Variants in SNTG1 observed in about 807,000 individuals in gnomAD.
SNTG1 encodes gamma-1-syntrophin.
SNTG1 carries 39 observed loss-of-function variants against 74.7 expected under a neutral mutation model. The ratio of observed to expected loss-of-function variants is 0.52; its 90% CI spans 0.40 to 0.68. SNTG1 has a LOEUF of 0.68. SNTG1 is among the 30% of genes least tolerant of loss of function. The pLI is 0.00. For synonymous variants in SNTG1, 254 were observed against 217.1 expected, an observed-to-expected ratio of 1.17 and a Z score of -1.49; for missense variants, 685 against 609.5, an observed-to-expected ratio of 1.12 and a Z score of -1.30.
chr8:50,081,464 A>G (rs529404554), intron 1 of SNTG1, among the ~76,000 whole-genome samples: 1 of 152,218 alleles, frequency 6.6e-6, no homozygotes, highest in South Asian at 2.1e-4. Context: ...TTTCCATAAA[A>G]TTGAGACATT....
chr8:50,531,581 C>T (rs1398187216), intron 10 of SNTG1, among the ~76,000 whole-genome samples: 1 of 152,170 alleles, frequency 6.6e-6, no homozygotes, highest in Non-Finnish European at 1.5e-5. Context: ...TGCACCTGCC[C>T]TCAGTAGCTG....
At chr8:50,629,858 G>A (rs560354700) in intron 13 of SNTG1, among the ~76,000 whole-genome samples, 4 of 152,182 alleles carry the variant, frequency 2.6e-5, no homozygotes, top group East Asian at 1.9e-4. Context: ...AAACTATAGG[G>A]ACGACCAATT....
chr8:50,430,161 T>C (rs1289937368), intron 4 of SNTG1, among the ~76,000 whole-genome samples: 1 of 152,204 alleles, frequency 6.6e-6, no homozygotes, highest in African/African-American at 2.4e-5. Flanking sequence ...AATAAATTAA[T>C]TGTGGTGAAT....
At chr8:50,556,431 G>A (rs926700154) in intron 12 of SNTG1, among the ~76,000 whole-genome samples, 1 of 151,928 alleles carries the variant, frequency 6.6e-6, no homozygotes, top group Non-Finnish European at 1.5e-5. Flanking sequence ...TATTATTTTA[G>A]GTAAAGTGGA....
intron 18 of SNTG1, among the ~76,000 whole-genome samples, chr8:50,789,166 A>T (rs1299184444): frequency 6.6e-6 from 1 of 151,446 alleles, no homozygotes; most frequent in African/African-American, 2.4e-5. Context: ...AGCCATTCTT[A>T]TGAAGTTTTT....
rs931382253 is a variant in SNTG1, at chr8:50,536,719, G to A, written c.591G>A (p.Leu197=). 3 of 1,613,878 alleles carry A rather than the reference G, an allele frequency of 1.9e-6. No individual in the cohort carries two copies. The highest frequency in any genetic ancestry group is 3.3e-5 in the Admixed American group (2 of 59,994). ...CGTCGTGGCCGACGTCTCCAGGCTT[G>A]AGGTGGGAGAAGCGATGGTGCGACC... ...SCSSWPTSPG[L]RWEKRWCDLR... Residue 197 remains leucine (L), a synonymous_variant, in exon 11 of 19, where the codon TTG becomes TTA. Transcript: ENST00000642720.
At chr8:50,436,041 C>T (rs1000718118) in intron 4 of SNTG1, among the ~76,000 whole-genome samples, 12 of 152,052 alleles carry the variant, frequency 7.9e-5, no homozygotes, top group African/African-American at 2.9e-4. Context: ...AATTACTGAC[C>T]GAGTTTTCCT....
chr8:50,269,471 C>T (rs570614204), intron 2 of SNTG1, among the ~76,000 whole-genome samples: 10 of 152,146 alleles, frequency 6.6e-5, no homozygotes, highest in African/African-American at 2.2e-4. Context: ...CGGGGAAATG[C>T]TATAAAGTGT....
intron 2 of SNTG1, among the ~76,000 whole-genome samples, chr8:50,358,727 T>G (rs2131053598): frequency 6.6e-6 from 1 of 152,316 alleles, no homozygotes; most frequent in Admixed American, 6.5e-5. Flanking sequence ...GCTGTAATTT[T>G]TTTACAGATT....
rs1198546700 is a variant in SNTG1 at position 50,607,184 on chromosome 8, G to A, written c.849+16267G>A. Among the ~76,000 whole-genome samples the A allele has an allele frequency of 2.6e-5, 4 of 151,784 alleles. No homozygotes were observed. The East Asian group carries it at 7.7e-4, about 29-fold the overall frequency. On this transcript the variant is annotated intron_variant, in intron 13 of 18. Transcript: ENST00000642720. ...AGTATTATTTAATTTTCATATATTT[G>A]GGAATGTATATGATCTGGTATCAGA...
intron 8 of SNTG1, among the ~76,000 whole-genome samples, chr8:50,480,474 T>C (rs769796837): frequency 2.0e-5 from 3 of 152,220 alleles, no homozygotes; most frequent in Non-Finnish European, 2.9e-5. Flanking sequence ...ATTTTCTGTT[T>C]AGCTGGAGAG....
At chr8:50,317,999 G>A (rs1293858506) in intron 2 of SNTG1, among the ~76,000 whole-genome samples, 1 of 152,088 alleles carries the variant, frequency 6.6e-6, no homozygotes, top group Non-Finnish European at 1.5e-5. Context: ...ACCACGCCCG[G>A]CTAATTTTTT....
At chr8:50,368,548 A>T (rs1025665866) in intron 2 of SNTG1, among the ~76,000 whole-genome samples, 1 of 152,200 alleles carries the variant, frequency 6.6e-6, no homozygotes, top group Admixed American at 6.5e-5. Flanking sequence ...CAGCTTAATC[A>T]GCCATATCAG....
chr8:50,273,469 T>G (rs534107729), intron 2 of SNTG1, among the ~76,000 whole-genome samples: 4 of 152,198 alleles, frequency 2.6e-5, no homozygotes, highest in Non-Finnish European at 4.4e-5. Context: ...CTCTTGAGCT[T>G]ATACTCAGGA....
At chr8:50,156,626 G>A (rs76403686) in intron 1 of SNTG1, among the ~76,000 whole-genome samples, 2,992 of 151,942 alleles carry the variant, frequency 0.02, 95 homozygotes, top group African/African-American at 0.065. Flanking sequence ...TTTCCTAGTT[G>A]TGCCCATGGA....
At chr8:50,551,988 G>A (rs1374146997) in intron 11 of SNTG1, among the ~76,000 whole-genome samples, 6 of 152,108 alleles carry the variant, frequency 3.9e-5, no homozygotes, top group Admixed American at 3.9e-4. Flanking sequence ...TTCTTTGTTT[G>A]GGGAATAAAC....
At chr8:50,505,582 G>C (rs1186034557) in intron 9 of SNTG1, among the ~76,000 whole-genome samples, 4 of 152,034 alleles carry the variant, frequency 2.6e-5, no homozygotes, top group African/African-American at 9.7e-5. Context: ...CTGTGGTTTT[G>C]ATTTGAATTT....
chr8:50,213,886 T>C (rs1206721759), intron 2 of SNTG1, among the ~76,000 whole-genome samples: 22 of 151,888 alleles, frequency 1.4e-4, no homozygotes, highest in Admixed American at 1.4e-3. Context: ...GGTTGCCTGT[T>C]CACTCTGATG....
rs570399786 is a variant in SNTG1 at position 50,626,347 on chromosome 8, C to A, written c.850-30562C>A. On this transcript the variant is annotated intron_variant, in intron 13 of 18. Transcript: ENST00000642720. ...ATAGTTCAATTTGAGAAACTAGATACAATGTGTTATTGGACTGTCCCAAGA... is the reference window on the plus strand; with the variant it reads ...ATAGTTCAATTTGAGAAACTAGATAAAATGTGTTATTGGACTGTCCCAAGA... 4.6e-5 allele frequency among the ~76,000 whole-genome samples: 7 copies of A among 152,234 alleles called. No homozygotes were observed. In the South Asian group the frequency reaches 6.2e-4, roughly 14 times the overall value.
Sources: gnomAD v4.1 joint callset for allele counts (sites outside exome capture counted in the v4.1 genomes callset) on GRCh38, gnomAD v4.1.1 for gene constraint, MANE v1.5 for transcripts, NCBI Gene and HGNC (gene_info 2026-07-23, HGNC 2026-07-21) for gene names.